Variants in CATSPERG observed in about 807,000 individuals in gnomAD.
CATSPERG encodes the protein catsper channel auxiliary subunit gamma, also known as cation channel sperm-associated auxiliary subunit gamma.
In CATSPERG, 115 loss-of-function variants were observed where a neutral mutation model predicts 145.0. The observed-to-expected ratio is 0.79, with a 90% CI of 0.68 to 0.93. The LOEUF is 0.93. Ranked by LOEUF, CATSPERG falls within the 40% of genes least tolerant of loss-of-function variation. The pLI, the probability that CATSPERG is intolerant of heterozygous loss-of-function variation, is 0.00. For missense variants in CATSPERG, 1,296 were observed against 1,490.1 expected, an observed-to-expected ratio of 0.87 and a Z score of 2.14; for synonymous variants, 588 against 589.0, an observed-to-expected ratio of 1.00 and a Z score of 0.02.
At chr19:38,348,998 T>C (rs757059115) in intron 7 of CATSPERG, 24 of 152,298 alleles carry the variant, frequency 1.6e-4, no homozygotes, top group Admixed American at 3.3e-4. Context: ...CCTGGGTTTG[T>C]TTTTATTTCA....
intron 8 of CATSPERG, 163 bp downstream of exon 8, chr19:38,352,595 CTTTTTTTTTT>C (rs576701757): frequency 5.1e-5 from 16 of 314,600 alleles, no homozygotes; most frequent in Middle Eastern, 9.7e-4. Flanking sequence ...TTGCCTTGCC[CTTTTTTTTTT>C]TTTTTTTTTT....
chr19:38,344,685 T>C (rs1336979847), intron 6 of CATSPERG, among the ~76,000 whole-genome samples: 1 of 146,552 alleles, frequency 6.8e-6, no homozygotes, highest in Non-Finnish European at 1.5e-5. Context: ...ACATATATAG[T>C]ACATACCTGT....
At chr19:38,348,463 CGTTTTTTTTTTTT>C (rs951247382) in intron 7 of CATSPERG, among the ~76,000 whole-genome samples, 16 of 139,696 alleles carry the variant, frequency 1.1e-4, no homozygotes, top group African/African-American at 3.4e-4. Flanking sequence ...CCACAAACTT[CGTTTTTTTTTTTT>C]GTTTTTTTTT....
chr19:38,364,657 C>T (rs941879078), intron 20 of CATSPERG, among the ~76,000 whole-genome samples: 5 of 152,248 alleles, frequency 3.3e-5, no homozygotes, highest in Non-Finnish European at 5.9e-5. Flanking sequence ...AACCAGACTC[C>T]GTCTGCAATC....
chr19:38,365,320 C>T (rs1298057316), intron 22 of CATSPERG: 10 of 578,542 alleles, frequency 1.7e-5, no homozygotes, highest in Admixed American at 1.5e-4. Flanking sequence ...TCTTGTTGCC[C>T]AGGCTGGAGT....
intron 1 of CATSPERG, chr19:38,336,922 T>G (rs1318017436): frequency 6.3e-6 from 3 of 479,734 alleles, no homozygotes; most frequent in African/African-American, 2.0e-5. Context: ...ATAGCAGAGG[T>G]GCGATACCCA....
rs201554405 is a variant in CATSPERG, at chr19:38,361,798, C to T, written c.2031C>T (p.Asn677=). The change falls in exon 17 of 29, where the codon AAC becomes AAT. Residue 677 remains asparagine (N), a synonymous_variant. Transcript: ENST00000409235. ...AGCGCTCGGGCTTCCACAACGAGAA[C>T]TCGCTCGCCATCTACCAGGGCCTGG... ...VLERSGFHNE[N]SLAIYQGLVY... is the part of the protein sequence containing the mutation. 6 of 1,613,228 alleles carry T rather than the reference C, an allele frequency of 3.7e-6. No homozygotes were observed. Among genetic ancestry groups the T allele is most frequent in the Admixed American group, 1.7e-5 (1 of 59,910 alleles).
At chr19:38,358,994 T>C (rs1321410278) in intron 13 of CATSPERG, among the ~76,000 whole-genome samples, 5 of 152,050 alleles carry the variant, frequency 3.3e-5, no homozygotes, top group African/African-American at 1.2e-4. Context: ...GGATTACAGC[T>C]GCATGCCACC....
rs1970373377 is a variant in CATSPERG at position 38,362,776 on chromosome 19, A to T, written c.2419A>T (p.Ile807Phe). The T allele has an allele frequency of 2.5e-6, 4 of 1,613,588 alleles. No individual in the cohort carries two copies. The highest frequency in any genetic ancestry group is 1.1e-5 in the South Asian group (1 of 91,070). ...VGVVLADPGC[I>F]EASVKQEVLI... ...CGTGGTGCTGGCCGACCCCGGCTGC[A>T]TCGAGGCCTCGGTGAAGCAGGAGGT... The change falls in exon 20 of 29, where the codon ATC (isoleucine) becomes TTC (phenylalanine). Residue 807 changes from isoleucine (I) to phenylalanine (F), a missense_variant. Ile to Phe is a conservative substitution (Grantham distance 21, BLOSUM62 0). Transcript: ENST00000409235.
In CATSPERG at chr19:38,359,497, G is replaced by A. The variant is rs1409825621; in HGVS notation, c.1524G>A (p.Leu508=). ...QSSNKENFIY[L]ADFPKELSIK... is the part of the protein sequence containing the mutation. ...CTAACAAGGAAAACTTCATCTACCT[G>A]GCAGACTTCCCCAAGGAACTGTCCA... The change falls in exon 14 of 29, where the codon CTG becomes CTA. Residue 508 remains leucine (L), a synonymous_variant. Transcript: ENST00000409235. 1.2e-6 allele frequency: 2 copies of A among 1,613,648 alleles called. No homozygotes were observed. The highest frequency in any genetic ancestry group is 1.7e-6 in the Non-Finnish European group (2 of 1,179,652).
At chr19:38,370,301 C>T (rs1970524285) in intron 28 of CATSPERG, 43 bp downstream of exon 28, 1 of 1,556,738 alleles carries the variant, frequency 6.4e-7, no homozygotes, top group Non-Finnish European at 8.8e-7. Context: ...TGGGCAGGGG[C>T]CCACGCCTCC....
chr19:38,366,334 A>T (rs925832181), intron 22 of CATSPERG: 1 of 152,270 alleles, frequency 6.6e-6, no homozygotes, highest in African/African-American at 2.4e-5. Context: ...TGGGCAGTCA[A>T]AAGGGGTTGT....
In CATSPERG at chr19:38,368,663, C is replaced by T. The variant is rs143719748; in HGVS notation, c.3020+526C>T. Among the ~76,000 whole-genome samples, 676 of 152,332 alleles carry T rather than the reference C, an allele frequency of 4.4e-3. 6 individuals carry two copies. Among genetic ancestry groups the T allele is most frequent in the African/African-American group, 0.015 (636 of 41,574 alleles). ...GGTTCAAGCGATTCTCCTGTCTCAGCCTCCTGTTTATTTTTTGAGACAGGC... is the reference window on the plus strand; with the variant it reads ...GGTTCAAGCGATTCTCCTGTCTCAGTCTCCTGTTTATTTTTTGAGACAGGC... On this transcript the variant is annotated intron_variant, in intron 26 of 28. Transcript: ENST00000409235.
chr19:38,368,646 C>CGAT (rs1970496568), intron 26 of CATSPERG, among the ~76,000 whole-genome samples: 2 of 152,194 alleles, frequency 1.3e-5, no homozygotes, highest in South Asian at 4.1e-4. Flanking sequence ...CAGGTTCAAG[C>CGAT]GATTCTCCTG....
intron 6 of CATSPERG, among the ~76,000 whole-genome samples, chr19:38,346,125 G>A (rs1970037411): frequency 6.6e-6 from 1 of 152,182 alleles, no homozygotes; most frequent in Non-Finnish European, 1.5e-5. Context: ...GGTCAAGAAA[G>A]GCCTCATTGA....
Position 38,354,738 on chromosome 19 carries a change from G to C in CATSPERG, c.1026G>C (p.Glu342Asp). The change falls in exon 9 of 29, where the codon GAG becomes GAC. Residue 342 changes from glutamate (E) to aspartate (D), a missense_variant. By Grantham distance (45) the Glu-to-Asp change is conservative. Transcript: ENST00000409235. ...GTTGGATTCGTGTCCTGGCCAGCGAGTGCATCAAGAAGCTGTGCCCTGTGT... is the reference window on the plus strand; with the variant it reads ...GTTGGATTCGTGTCCTGGCCAGCGACTGCATCAAGAAGCTGTGCCCTGTGT... ...SGSWIRVLAS[E>D]CIKKLCPVYF... 1 of 1,614,200 alleles carries C rather than the reference G, an allele frequency of 6.2e-7. No homozygotes were observed. Among genetic ancestry groups the C allele is most frequent in the Non-Finnish European group, 8.5e-7 (1 of 1,180,020 alleles).
In CATSPERG at chr19:38,337,110, G is replaced by A; in HGVS notation, c.-14-111G>A. ...AGGGGCGGGGCCAGGAGCAAGAGCC[G>A]GGGCGTGGCCAGGAGCAAGTGCTGT... On this transcript the variant is annotated intron_variant, in intron 1 of 28. Coordinates refer to ENST00000409235, the MANE Select transcript of CATSPERG (RefSeq NM_021185.5). 2.3e-6 allele frequency: 3 copies of A among 1,322,230 alleles called. No individual in the cohort carries two copies. The South Asian group carries it at 4.2e-5, about 19-fold the overall frequency. 81.9% of individuals were successfully genotyped at this position (1,322,230 alleles called of 1,614,324 possible).
intron 8 of CATSPERG, among the ~76,000 whole-genome samples, chr19:38,352,717 A>G (rs953647297): frequency 6.7e-6 from 1 of 148,794 alleles, no homozygotes; most frequent in Non-Finnish European, 1.5e-5. Context: ...AGGCAGACCC[A>G]CGCGTGTGCC....
At chr19:38,347,975 C>G (rs1476735029) in intron 7 of CATSPERG, among the ~76,000 whole-genome samples, 1 of 151,884 alleles carries the variant, frequency 6.6e-6, no homozygotes, top group African/African-American at 2.4e-5. Context: ...TTAACCTCCT[C>G]CCATCAAGGT....
Sources: allele counts gnomAD v4.1 joint callset (sites outside exome capture counted in the v4.1 genomes callset), GRCh38; gene constraint gnomAD v4.1.1; transcripts MANE v1.5; gene names NCBI Gene and HGNC (gene_info 2026-07-23, HGNC 2026-07-21).